The following MED27 variants were observed in gnomAD, a reference collection of about 807,000 sequenced individuals.
MED27 encodes the protein mediator of RNA polymerase II transcription subunit 27.
A neutral mutation model predicts 38.2 loss-of-function variants in MED27; 30 were observed. The ratio of observed to expected loss-of-function variants is 0.79; its 90% CI spans 0.59 to 1.07. The LOEUF (loss-of-function observed/expected upper bound fraction) is 1.07, where lower values mean the gene tolerates loss of function less well. MED27 is among the 50% of genes least tolerant of loss of function. The pLI, the probability that MED27 is intolerant of heterozygous loss-of-function variation, is 0.00. For synonymous variants in MED27, 122 were observed against 153.5 expected (o/e 0.79, Z 1.52); for missense variants, 289 against 397.5 (o/e 0.73, Z 2.32).
intron 2 of MED27, among the ~76,000 whole-genome samples, chr9:132,015,905 T>C (rs935499045): frequency 2.0e-5 from 3 of 152,206 alleles, no homozygotes; most frequent in African/African-American, 7.2e-5. Flanking sequence ...ATTTATAACA[T>C]CCAATATGTT....
intron 3 of MED27, among the ~76,000 whole-genome samples, chr9:131,971,256 A>T (rs922689116): frequency 6.6e-6 from 1 of 152,218 alleles, no homozygotes; most frequent in Non-Finnish European, 1.5e-5. Context: ...CACCTGACAC[A>T]CTGTGAAGAG....
intron 2 of MED27, among the ~76,000 whole-genome samples, chr9:132,056,254 T>C (rs916856493): frequency 5.3e-5 from 8 of 152,214 alleles, no homozygotes; most frequent in African/African-American, 1.9e-4. Context: ...ACACTGCTCA[T>C]GCAAGGAACA....
At chr9:132,039,639 G>A (rs1290248161) in intron 2 of MED27, among the ~76,000 whole-genome samples, 1 of 152,166 alleles carries the variant, frequency 6.6e-6, no homozygotes, top group East Asian at 1.9e-4. Context: ...ACACTTCAAG[G>A]AGGGGAACCC....
At chr9:132,020,412 G>A (rs1832692907) in intron 2 of MED27, among the ~76,000 whole-genome samples, 1 of 152,132 alleles carries the variant, frequency 6.6e-6, no homozygotes, top group African/African-American at 2.4e-5. Context: ...TCCACACTGT[G>A]TACACCTGAA....
intron 2 of MED27, among the ~76,000 whole-genome samples, chr9:132,041,801 G>T (rs114287381): frequency 1.4e-4 from 22 of 152,366 alleles, no homozygotes; most frequent in African/African-American, 5.3e-4. Flanking sequence ...AAACACGTTC[G>T]TGGGGCCTGG....
At chr9:131,956,261 T>C (rs905762272) in intron 3 of MED27, among the ~76,000 whole-genome samples, 2 of 152,136 alleles carry the variant, frequency 1.3e-5, no homozygotes, top group Non-Finnish European at 2.9e-5. Flanking sequence ...TGCCAGGAGA[T>C]GGTGGAGTGG....
At chr9:132,024,830 C>T (rs1254603519) in intron 2 of MED27, among the ~76,000 whole-genome samples, 1 of 152,172 alleles carries the variant, frequency 6.6e-6, no homozygotes, top group Non-Finnish European at 1.5e-5. Flanking sequence ...TCTTTTTAAT[C>T]TACACACAAC....
chr9:131,960,112 C>T (rs1831183774), intron 3 of MED27, among the ~76,000 whole-genome samples: 1 of 152,150 alleles, frequency 6.6e-6, no homozygotes. Context: ...GGGCACATAC[C>T]TCATCTGTCT....
In MED27 at chr9:131,884,012, C is replaced by A. The variant is rs373868781; in HGVS notation, c.723+46G>T. Reference sequence around the variant, plus strand: ...CAATGTTTAAACCTCAAAGCATTCACGTTTTCCTAATGCCGCTTGAGTAAG... The same window carrying A: ...CAATGTTTAAACCTCAAAGCATTCAAGTTTTCCTAATGCCGCTTGAGTAAG... On this transcript the variant is annotated intron_variant, in intron 6 of 7. Transcript: ENST00000292035. The A allele has an allele frequency of 1.1e-5, 17 of 1,550,214 alleles. 2 individuals are homozygous for A. In the South Asian group the frequency reaches 1.8e-4, roughly 17 times the overall value.
chr9:132,012,735 A>G (rs932173406), intron 3 of MED27, among the ~76,000 whole-genome samples: 3 of 152,124 alleles, frequency 2.0e-5, no homozygotes, highest in African/African-American at 4.8e-5. Context: ...AGCACTAAGC[A>G]TAACTACAAA....
rs150043275 is a variant in MED27 at position 132,005,221 on chromosome 9, C to T, written c.479+9116G>A. 9.9e-5 allele frequency among the ~76,000 whole-genome samples: 15 copies of T among 152,280 alleles called. No homozygotes were observed. In the East Asian group the frequency reaches 1.3e-3, roughly 14 times the overall value. Reference sequence around the variant, plus strand: ...ACTCTAAAGAGCAATGAGGACAAGGCGACACTGGAGATGGCACACATAAGG... The same window carrying T: ...ACTCTAAAGAGCAATGAGGACAAGGTGACACTGGAGATGGCACACATAAGG... On this transcript the variant is annotated intron_variant, in intron 3 of 7. Transcript: ENST00000292035.
chr9:131,941,009 C>A lies in MED27; in HGVS notation c.480-1535G>T, dbSNP rs557725518. Among the ~76,000 whole-genome samples the A allele has an allele frequency of 3.9e-5, 6 of 152,272 alleles. No individual in the cohort carries two copies. The East Asian group carries it at 9.6e-4, about 24-fold the overall frequency. On this transcript the variant is annotated intron_variant, in intron 3 of 7. Coordinates refer to ENST00000292035, the MANE Select transcript of MED27 (RefSeq NM_004269.4). ...CCACTTACACCATGGGCCAATTCTG[C>A]AAAAATGCCCTCTCTTACTGGGATA...
At chr9:132,079,414 G>A (rs1160691256) in intron 1 of MED27, among the ~76,000 whole-genome samples, 2 of 152,216 alleles carry the variant, frequency 1.3e-5, no homozygotes, top group East Asian at 1.9e-4. Context: ...AGAGGTCGAG[G>A]ATGGCGGAAG....
At chr9:132,007,611 G>A (rs1450751508) in intron 3 of MED27, among the ~76,000 whole-genome samples, 2 of 152,096 alleles carry the variant, frequency 1.3e-5, no homozygotes, top group Non-Finnish European at 2.9e-5. Context: ...GGAGAGACAC[G>A]AGGTGGGAGC....
chr9:132,014,945 C>G (rs576718106), intron 2 of MED27, among the ~76,000 whole-genome samples: 1 of 152,110 alleles, frequency 6.6e-6, no homozygotes, highest in African/African-American at 2.4e-5. Context: ...TTAAAGCCTA[C>G]GTAATTTTTT....
chr9:131,960,929 G>A lies in MED27; in HGVS notation c.480-21455C>T, dbSNP rs76755946. On this transcript the variant is annotated intron_variant, in intron 3 of 7. Transcript: ENST00000292035. ...ACTGAGGTTAAATATTAGGCAAAAC[G>A]TAACAATGGGAAGAATGCTAGCAGA... Among the ~76,000 whole-genome samples the A allele has an allele frequency of 2.1e-3, 317 of 152,268 alleles. 1 individual carries two copies. Among genetic ancestry groups the A allele is most frequent in the African/African-American group, 7.4e-3 (308 of 41,546 alleles).
intron 3 of MED27, among the ~76,000 whole-genome samples, chr9:131,947,142 A>C (rs1830902409): frequency 6.6e-6 from 1 of 152,180 alleles, no homozygotes; most frequent in African/African-American, 2.4e-5. Context: ...TAAGCCACGG[A>C]GACCCAAATT....
intron 2 of MED27, among the ~76,000 whole-genome samples, chr9:132,076,041 G>A (rs1834039929): frequency 6.6e-6 from 1 of 152,144 alleles, no homozygotes; most frequent in African/African-American, 2.4e-5. Flanking sequence ...GCCTGACATG[G>A]ACACTGGGAG....
chr9:131,990,050 T>C (rs902172865), intron 3 of MED27, among the ~76,000 whole-genome samples: 1 of 152,164 alleles, frequency 6.6e-6, no homozygotes, highest in Non-Finnish European at 1.5e-5. Flanking sequence ...CTGTTCACTA[T>C]GGTTCCCCCG....
Sources: allele counts gnomAD v4.1 joint callset (sites outside exome capture counted in the v4.1 genomes callset), GRCh38; gene constraint gnomAD v4.1.1; transcripts MANE v1.5; gene names NCBI Gene and HGNC (gene_info 2026-07-23, HGNC 2026-07-21).